TMEM245: variants seen among roughly 807,000 people sequenced by gnomAD.
TMEM245 encodes the protein protein CG-2.
In TMEM245, 69 loss-of-function variants were observed where a neutral mutation model predicts 101.2. The ratio of observed to expected loss-of-function variants is 0.68; its 90% CI spans 0.56 to 0.83. The LOEUF is 0.83. TMEM245 is among the 40% of genes least tolerant of loss of function. TMEM245 has a pLI of 0.00. For synonymous variants in TMEM245, 537 were observed against 449.8 expected, an observed-to-expected ratio of 1.19 and a Z score of -2.45; for missense variants, 1,075 against 1,092.8, an observed-to-expected ratio of 0.98 and a Z score of 0.23.
intron 1 of TMEM245, 22 bp downstream of exon 1, chr9:109,119,313 G>A (rs1485919249): frequency 6.6e-6 from 10 of 1,518,808 alleles, no homozygotes; most frequent in Admixed American, 2.0e-5. Context: ...CGGGGGACGG[G>A]GGCGGACTGC....
chr9:109,057,843 G>A (rs903645265), intron 11 of TMEM245, among the ~76,000 whole-genome samples: 5 of 151,260 alleles, frequency 3.3e-5, no homozygotes, highest in African/African-American at 9.7e-5. Context: ...TCTAAGTCTC[G>A]CTCCAGTGCT....
intron 8 of TMEM245, among the ~76,000 whole-genome samples, chr9:109,074,201 G>A (rs1829425438): frequency 6.6e-6 from 1 of 152,022 alleles, no homozygotes; most frequent in African/African-American, 2.4e-5. Flanking sequence ...GCCAACAGAA[G>A]CTGCACCTCT....
intron 5 of TMEM245, among the ~76,000 whole-genome samples, chr9:109,088,325 C>T (rs1411446615): frequency 6.6e-6 from 1 of 152,118 alleles, no homozygotes; most frequent in Non-Finnish European, 1.5e-5. Context: ...TCAGTAAGTC[C>T]AGGGTAATTA....
Position 109,082,650 on chromosome 9 carries a change from ATTT to A in TMEM245, c.1345-1710_1345-1708del, listed in dbSNP as rs78965338. Among the ~76,000 whole-genome samples the A allele has an allele frequency of 5.5e-3, 829 of 149,690 alleles. 12 individuals carry two copies. The highest frequency in any genetic ancestry group is 0.019 in the African/African-American group (765 of 40,892). Reference sequence around the variant, plus strand: ...TTTCTGAAAATAATGTAGAGCCTCTATTTTTTTTTTTTCAGAAAAGTCATATCC... The same window carrying A: ...TTTCTGAAAATAATGTAGAGCCTCTATTTTTTTTTCAGAAAAGTCATATCC... On this transcript the variant is annotated intron_variant, in intron 7 of 17. Coordinates refer to ENST00000374586, the MANE Select transcript of TMEM245 (RefSeq NM_032012.4).
At chr9:109,064,455 C>A in intron 10 of TMEM245, 22 bp downstream of exon 10, 1 of 1,597,264 alleles carries the variant, frequency 6.3e-7, no homozygotes, top group Non-Finnish European at 8.5e-7. Context: ...GAGAAAGCCA[C>A]AAAGAAAGTT....
At chr9:109,112,145 T>C (rs190894803) in intron 1 of TMEM245, among the ~76,000 whole-genome samples, 216 of 152,252 alleles carry the variant, frequency 1.4e-3, no homozygotes, top group Non-Finnish European at 2.4e-3. Flanking sequence ...TTTATCAAAG[T>C]ATTCTAATAC....
At chr9:109,093,423 T>G in intron 4 of TMEM245, 52 bp downstream of exon 4, 2 of 1,476,668 alleles carry the variant, frequency 1.4e-6, no homozygotes, top group South Asian at 1.2e-5. Flanking sequence ...TTACTTTCTA[T>G]GTACATTTCA....
chr9:109,119,907 C>T lies in TMEM245; in HGVS notation c.7G>A (p.Asp3Asn). The change falls in exon 1 of 18, where the codon GAC becomes AAC. Residue 3 changes from aspartate (D) to asparagine (N), a missense_variant. By Grantham distance (23) the Asp-to-Asn change is conservative (BLOSUM62 1). Coordinates refer to ENST00000374586, the MANE Select transcript of TMEM245 (RefSeq NM_032012.4). ...GGCGCGTCCTTAGGGCCGCCGCCGT[C>T]GGCCATCGTTCCTCCGCCACAGCCG... MADGGGPKDAPSL... is the reference protein window; with the variant it reads MANGGGPKDAPSL... 1 of 1,274,628 alleles carries T rather than the reference C, an allele frequency of 7.8e-7. No homozygotes were observed. The highest frequency in any genetic ancestry group is 3.1e-5 in the East Asian group (1 of 32,648). The allele number at this position is 1,274,628 out of a possible 1,614,324, so 79.0% of individuals were successfully genotyped here.
At chr9:109,065,989 G>A (rs866402550) in intron 9 of TMEM245, among the ~76,000 whole-genome samples, 1 of 152,186 alleles carries the variant, frequency 6.6e-6, no homozygotes, top group Non-Finnish European at 1.5e-5. Flanking sequence ...CAAAGTCATG[G>A]TGCCTAGGAA....
At chr9:109,115,287 T>C (rs1830687783) in intron 1 of TMEM245, among the ~76,000 whole-genome samples, 2 of 151,840 alleles carry the variant, frequency 1.3e-5, no homozygotes, top group African/African-American at 2.4e-5. Flanking sequence ...GAGCTTGCAG[T>C]GAGCTGAGAT....
chr9:109,038,318 TGAAATATGTTTTATTTG>T (rs1356336696), intron 14 of TMEM245: 3 of 390,228 alleles, frequency 7.7e-6, no homozygotes, highest in Non-Finnish European at 1.4e-5. Flanking sequence ...TTATGTAATA[TGAAATATGTTTTATTTG>T]GAAATATGTT....
intron 2 of TMEM245, among the ~76,000 whole-genome samples, chr9:109,106,885 G>A (rs761872929): frequency 1.3e-5 from 2 of 152,008 alleles, no homozygotes; most frequent in Non-Finnish European, 2.9e-5. Flanking sequence ...CTATTGTAAC[G>A]TATACCAAAG....
intron 12 of TMEM245, among the ~76,000 whole-genome samples, chr9:109,053,488 G>A (rs575194721): frequency 3.9e-5 from 6 of 152,308 alleles, no homozygotes; most frequent in African/African-American, 1.4e-4. Context: ...TTTGGTATCA[G>A]TTTAATCAAC....
At chr9:109,100,443 CCCT>C (rs1323086191) in intron 3 of TMEM245, among the ~76,000 whole-genome samples, 4 of 152,264 alleles carry the variant, frequency 2.6e-5, no homozygotes, top group Admixed American at 2.0e-4. Context: ...CCATCTTCAA[CCCT>C]CCCAGTAGCT....
rs373785986 is a variant in TMEM245, at chr9:109,077,132, C to T, written c.1450-3694G>A. Among the ~76,000 whole-genome samples the T allele has an allele frequency of 9.2e-4, 140 of 151,610 alleles. 3 individuals are homozygous for T. In the South Asian group the frequency reaches 0.026, roughly 28 times the overall value. ...TTGTTAATTAGGTCAAGTTGACTGA[C>T]CGCGTTTTTTGGCGTGTTTCGTTTT... is the stretch of plus-strand genomic sequence containing the variant. On this transcript the variant is annotated intron_variant, in intron 8 of 17. Coordinates refer to ENST00000374586, the MANE Select transcript of TMEM245 (RefSeq NM_032012.4).
At chr9:109,079,141 A>G (rs905760920) in intron 8 of TMEM245, among the ~76,000 whole-genome samples, 6 of 152,152 alleles carry the variant, frequency 3.9e-5, no homozygotes, top group Admixed American at 6.6e-5. Context: ...CTTTTCATCA[A>G]CGAAAGATCT....
chr9:109,089,193 C>T (rs984881374), intron 5 of TMEM245, among the ~76,000 whole-genome samples: 3 of 150,502 alleles, frequency 2.0e-5, no homozygotes, highest in Non-Finnish European at 3.0e-5. Context: ...CCTGAGAGAT[C>T]GAGGCTGTGG....
chr9:109,100,307 TG>T (rs1218892605), intron 3 of TMEM245, among the ~76,000 whole-genome samples: 4 of 152,012 alleles, frequency 2.6e-5, no homozygotes, highest in Non-Finnish European at 5.9e-5. Flanking sequence ...CAAGAACCTA[TG>T]TTTATTTATT....
chr9:109,076,053 T>C (rs543654571), intron 8 of TMEM245, among the ~76,000 whole-genome samples: 38 of 152,352 alleles, frequency 2.5e-4, no homozygotes, highest in African/African-American at 8.7e-4. Context: ...TCTTCCATTT[T>C]AAAATCTTCT....
Sources: gnomAD v4.1 joint callset for allele counts (sites outside exome capture counted in the v4.1 genomes callset) on GRCh38, gnomAD v4.1.1 for gene constraint, MANE v1.5 for transcripts, NCBI Gene and HGNC (gene_info 2026-07-23, HGNC 2026-07-21) for gene names.